The following RAP1GAP variants were observed in gnomAD, a reference collection of about 807,000 sequenced individuals.
RAP1GAP encodes RAP1 GTPase activating protein, also known as rap1 GTPase-activating protein 1.
In RAP1GAP, 35 loss-of-function variants were observed where a neutral mutation model predicts 87.2. The ratio of observed to expected loss-of-function variants is 0.40; its 90% confidence interval spans 0.31 to 0.53. The LOEUF (loss-of-function observed/expected upper bound fraction) is 0.53, where lower values mean the gene tolerates loss of function less well. Ranked by LOEUF, RAP1GAP falls within the 20% of genes least tolerant of loss-of-function variation. The pLI is 0.48. For synonymous variants in RAP1GAP, 375 were observed against 363.9 expected (o/e 1.03, Z -0.35); for missense variants, 734 against 898.9 (o/e 0.82, Z 2.35).
chr1:21,618,990 C>T, intron 5 of RAP1GAP, 35 bp downstream of exon 5: 1 of 1,573,088 alleles, frequency 6.4e-7, no homozygotes, highest in African/African-American at 1.3e-5. Flanking sequence ...CCCTCCACCC[C>T]CTAGAGAGGG....
At position 21,620,155 on chromosome 1, in the gene RAP1GAP, C is replaced by A. The variant is rs143927344; in HGVS notation, c.-18-105G>T. On this transcript the variant is annotated intron_variant, in intron 3 of 24. Coordinates refer to ENST00000374765, the MANE Select transcript of RAP1GAP (RefSeq NM_002885.4). ...GGTCCCACCAGCTCTGATCAGTGACCGAGGCACCTGTCTGAGTAGCAAGCG... is the reference window on the plus strand; with the variant it reads ...GGTCCCACCAGCTCTGATCAGTGACAGAGGCACCTGTCTGAGTAGCAAGCG... 3.0e-4 allele frequency: 366 copies of A among 1,213,804 alleles called. 2 individuals are homozygous for A. The African/African-American group carries it at 5.2e-3, about 17-fold the overall frequency. 75.2% of individuals were successfully genotyped at this position (1,213,804 alleles called of 1,614,324 possible).
intron 1 of RAP1GAP, chr1:21,651,835 G>A (rs1391945263): frequency 2.5e-6 from 3 of 1,189,724 alleles, no homozygotes; most frequent in Admixed American, 4.2e-5. Flanking sequence ...TGCCGCCGCC[G>A]CCGCCCGGCC....
chr1:21,620,189 G>A (rs888228756), intron 3 of RAP1GAP, 139 bp from the exon 4 acceptor site: 14 of 855,856 alleles, frequency 1.6e-5, no homozygotes, highest in Middle Eastern at 2.3e-4. Flanking sequence ...CGGGAGTGAC[G>A]GGAGCATCGT....
At chr1:21,651,383 C>T in intron 1 of RAP1GAP, 1 of 524,598 alleles carries the variant, frequency 1.9e-6, no homozygotes, top group South Asian at 1.4e-5. Flanking sequence ...TGCCCCTACT[C>T]CCACATACCT....
chr1:21,623,658 G>T (rs1198229193), intron 3 of RAP1GAP, among the ~76,000 whole-genome samples: 2 of 152,222 alleles, frequency 1.3e-5, no homozygotes, highest in African/African-American at 4.8e-5. Context: ...TCAGGTTTGG[G>T]CCTGGAGAGC....
intron 1 of RAP1GAP, among the ~76,000 whole-genome samples, chr1:21,655,679 A>G (rs2096832916): frequency 6.6e-6 from 1 of 152,206 alleles, no homozygotes; most frequent in South Asian, 2.1e-4. Context: ...TCTGAGAGGA[A>G]GCCTCCCCTT....
At chr1:21,619,003 G>A in intron 5 of RAP1GAP, 22 bp downstream of exon 5, 1 of 1,586,668 alleles carries the variant, frequency 6.3e-7, no homozygotes, top group African/African-American at 1.3e-5. Flanking sequence ...AGAGAGGGAG[G>A]CAGACTGCCA....
chr1:21,652,898 G>A (rs532227085), intron 1 of RAP1GAP, among the ~76,000 whole-genome samples: 12 of 152,280 alleles, frequency 7.9e-5, no homozygotes, highest in Non-Finnish European at 1.5e-4. Context: ...CACCCAAGGA[G>A]GCCCCCACAG....
rs2080164983 is a variant in RAP1GAP, at chr1:21,613,926, C to G, written c.395+60G>C. 1 of 1,381,186 alleles carries G rather than the reference C, an allele frequency of 7.2e-7. No individual in the cohort carries two copies. Among genetic ancestry groups the G allele is most frequent in the African/African-American group, 1.4e-5 (1 of 70,058 alleles). The allele number at this position is 1,381,186 out of a possible 1,614,324, so 85.6% of individuals were successfully genotyped here. On this transcript the variant is annotated intron_variant, in intron 8 of 24. Coordinates refer to ENST00000374765, the MANE Select transcript of RAP1GAP (RefSeq NM_002885.4). This position sits in a 1 kb window ranked among gnomAD's most constrained non-coding sequence, Gnocchi z 4.7. ...AAGAGAGTGGGTCAAATGAGATGGG[C>G]TCTGAGATTGTAAGACCTCAGCCCT...
chr1:21,662,403 G>A (rs1351400416), intron 1 of RAP1GAP, among the ~76,000 whole-genome samples: 2 of 152,204 alleles, frequency 1.3e-5, no homozygotes, highest in African/African-American at 4.8e-5. Context: ...CTGAAGCTGG[G>A]GATTTCTTGG....
At chr1:21,608,089 T>C in intron 17 of RAP1GAP, 124 bp downstream of exon 17, 8 of 1,349,072 alleles carry the variant, frequency 5.9e-6, no homozygotes, top group South Asian at 3.2e-5. Context: ...CTCCACCCCC[T>C]CAGCCACGCC....
At chr1:21,655,053 T>C (rs148142767) in intron 1 of RAP1GAP, among the ~76,000 whole-genome samples, 17 of 151,232 alleles carry the variant, frequency 1.1e-4, no homozygotes, top group African/African-American at 3.2e-4. Flanking sequence ...GACAGGAGAA[T>C]TGCTTGAACC....
chr1:21,622,385 G>T lies in RAP1GAP; in HGVS notation c.-18-2335C>A. Reference sequence around the variant, plus strand: ...CAGCGAGCCCCTCCGCGGACGGCCGGGTGGCACCGCGGGCCGCAGCTGTGC... The same window carrying T: ...CAGCGAGCCCCTCCGCGGACGGCCGTGTGGCACCGCGGGCCGCAGCTGTGC... On this transcript the variant is annotated intron_variant, in intron 3 of 24. Coordinates refer to ENST00000374765, the MANE Select transcript of RAP1GAP (RefSeq NM_002885.4). This position sits in a 1 kb window ranked among gnomAD's most constrained non-coding sequence, Gnocchi z 5.7. The T allele has an allele frequency of 2.3e-6, 1 of 430,494 alleles. No homozygotes were observed. Among genetic ancestry groups the T allele is most frequent in the Non-Finnish European group, 4.1e-6 (1 of 244,788 alleles). 26.7% of individuals were successfully genotyped at this position (430,494 alleles called of 1,614,324 possible). A position where few individuals can be genotyped will look rare whatever the true frequency, so the allele number is the denominator to read the frequency against.
intron 1 of RAP1GAP, chr1:21,651,966 G>T (rs2096610661): frequency 1.6e-6 from 1 of 615,428 alleles, no homozygotes; most frequent in Non-Finnish European, 2.0e-6. Flanking sequence ...CGGTCCAGCT[G>T]CCGGGGGCCG....
chr1:21,635,913 G>T (rs1476811987), intron 2 of RAP1GAP, among the ~76,000 whole-genome samples: 1 of 152,234 alleles, frequency 6.6e-6, no homozygotes, highest in Non-Finnish European at 1.5e-5. Flanking sequence ...GGACGAATGG[G>T]AGGATGAGAA....
intron 2 of RAP1GAP, among the ~76,000 whole-genome samples, chr1:21,644,015 G>T (rs1002532903): frequency 3.9e-5 from 6 of 152,216 alleles, no homozygotes; most frequent in African/African-American, 1.2e-4. Flanking sequence ...TGATGCTGAG[G>T]ATAGACGTGG....
At position 21,606,127 on chromosome 1, in the gene RAP1GAP, G is replaced by T; in HGVS notation, c.1367C>A (p.Ser456Tyr). 6.3e-7 allele frequency: 1 copy of T among 1,586,286 alleles called. No homozygotes were observed. The highest frequency in any genetic ancestry group is 1.3e-5 in the African/African-American group (1 of 74,754). Residue 456 changes from serine to tyrosine, a missense_variant, in exon 18 of 25, where the codon TCC becomes TAC. This residue lies in a region of RAP1GAP where 485 missense variants were observed against 646.2 expected (regional missense o/e 0.75). Coordinates refer to ENST00000374765, the MANE Select transcript of RAP1GAP (RefSeq NM_002885.4). ...CGCGAAGCTCCCGCTGTGGCTGGTG[G>T]ACACGGTGTTGGGCTTCTTGTTGCT... is the stretch of plus-strand genomic sequence containing the variant. Reference protein sequence around the residue: ...GLSNKKPNTVSTSHSGSFAPN... With the variant: ...GLSNKKPNTVYTSHSGSFAPN...
At chr1:21,617,708 G>A (rs964657014) in intron 6 of RAP1GAP, among the ~76,000 whole-genome samples, 10 of 152,224 alleles carry the variant, frequency 6.6e-5, no homozygotes, top group African/African-American at 1.9e-4. Flanking sequence ...GGGTGTGGGG[G>A]CAGGTAGAGC....
Position 21,661,177 on chromosome 1 carries a change from A to G in RAP1GAP, c.-149+8077T>C, listed in dbSNP as rs149740127. Among the ~76,000 whole-genome samples, 42 of 151,668 alleles carry G rather than the reference A, an allele frequency of 2.8e-4. 1 individual carries two copies. The highest frequency in any genetic ancestry group is 7.7e-4 in the African/African-American group (32 of 41,314). On this transcript the variant is annotated intron_variant, in intron 1 of 24. Transcript: ENST00000374765. ...TGAGGCACAAGAATCGCTTGAATCC[A>G]GGAGGCCGAGGTTGCACTGAGCTGA... is the stretch of plus-strand genomic sequence containing the variant.
Sources: allele counts gnomAD v4.1 joint callset (sites outside exome capture counted in the v4.1 genomes callset), GRCh38; gene constraint gnomAD v4.1.1; regional missense constraint gnomAD v4.1.1; non-coding constraint Gnocchi (gnomAD v3.1); transcripts MANE v1.5; gene names NCBI Gene and HGNC (gene_info 2026-07-23, HGNC 2026-07-21).